Variants in TSPAN7 observed in about 807,000 individuals in gnomAD.
TSPAN7 encodes tetraspanin 7.
A neutral mutation model predicts 17.6 loss-of-function variants in TSPAN7; 1 was observed. The observed-to-expected ratio is 0.06, with a 90% CI of 0.02 to 0.27. The LOEUF (loss-of-function observed/expected upper bound fraction) is 0.27. Ranked by LOEUF, TSPAN7 falls within the 10% of genes least tolerant of loss-of-function variation. The pLI, the probability that TSPAN7 is intolerant of heterozygous loss-of-function variation, is 1.00. For synonymous variants in TSPAN7, 78 were observed against 79.0 expected, an observed-to-expected ratio of 0.99 and a Z score of 0.07; for missense variants, 112 against 201.7, an observed-to-expected ratio of 0.56 and a Z score of 2.69.
chrX:38,614,924 A>G (rs1602099922), intron 1 of TSPAN7, among the ~76,000 whole-genome samples: 2 of 112,010 alleles, frequency 1.8e-5, no homozygotes, highest in South Asian at 7.5e-4. Context: ...TTGCAACTGT[A>G]TGGAGTCACT....
chrX:38,675,058 A>G (rs1439680637), intron 4 of TSPAN7, among the ~76,000 whole-genome samples: 1 of 112,299 alleles, frequency 8.9e-6, no homozygotes, highest in Non-Finnish European at 1.9e-5. Flanking sequence ...TTGCTTTAAT[A>G]TTCTCTACAT....
At chrX:38,567,974 TTTG>T (rs751616841) in intron 1 of TSPAN7, among the ~76,000 whole-genome samples, 7 of 112,017 alleles carry the variant, frequency 6.2e-5, no homozygotes, top group Non-Finnish European at 9.4e-5. Context: ...TGCATAGCTT[TTTG>T]TTTTCTCTAC....
chrX:38,669,990 G>A (rs1410893676), intron 2 of TSPAN7, among the ~76,000 whole-genome samples: 1 of 111,761 alleles, frequency 8.9e-6, no homozygotes, highest in African/African-American at 3.3e-5. Context: ...ATGTACATGG[G>A]GCATTCTCAT....
At chrX:38,581,650 A>G (rs769023505) in intron 1 of TSPAN7, among the ~76,000 whole-genome samples, 4 of 112,145 alleles carry the variant, frequency 3.6e-5, no homozygotes, top group African/African-American at 1.3e-4. Flanking sequence ...TGCTGTGGGT[A>G]AGACATAAGA....
At chrX:38,575,996 T>C (rs892037408) in intron 1 of TSPAN7, among the ~76,000 whole-genome samples, 1 of 112,348 alleles carries the variant, frequency 8.9e-6, no homozygotes, top group Non-Finnish European at 1.9e-5. Context: ...AGGCAAACGT[T>C]TTCTGTAAAG....
intron 3 of TSPAN7, among the ~76,000 whole-genome samples, chrX:38,673,013 G>A (rs1355218369): frequency 6.2e-5 from 7 of 112,265 alleles, no homozygotes; most frequent in Non-Finnish European, 1.1e-4. Flanking sequence ...CTTAAGTGTA[G>A]CGAAATGAGA....
intron 1 of TSPAN7, among the ~76,000 whole-genome samples, chrX:38,575,573 A>T (rs757805000): frequency 8.9e-6 from 1 of 111,828 alleles, no homozygotes; most frequent in East Asian, 2.8e-4. Context: ...AGAAAATAAA[A>T]TTGGAGCCCT....
At chrX:38,614,490 C>G (rs915794314) in intron 1 of TSPAN7, among the ~76,000 whole-genome samples, 1 of 112,624 alleles carries the variant, frequency 8.9e-6, no homozygotes, top group African/African-American at 3.2e-5. Flanking sequence ...CCAGTTCTTC[C>G]CATACACCAG....
chrX:38,653,367 T>C (rs2069686223), intron 1 of TSPAN7, among the ~76,000 whole-genome samples: 1 of 111,594 alleles, frequency 9.0e-6, no homozygotes, highest in Non-Finnish European at 1.9e-5. Context: ...CCATCACTTT[T>C]GGTTAGAGCT....
intron 4 of TSPAN7, among the ~76,000 whole-genome samples, chrX:38,674,928 CAGA>C (rs2069843667): frequency 8.9e-6 from 1 of 111,982 alleles, no homozygotes; most frequent in Admixed American, 9.4e-5. Flanking sequence ...TTGTTTACTT[CAGA>C]AGAAGTCTTT....
chrX:38,578,665 C>T (rs928399811), intron 1 of TSPAN7, among the ~76,000 whole-genome samples: 1 of 110,623 alleles, frequency 9.0e-6, no homozygotes, highest in Non-Finnish European at 1.9e-5. Context: ...GTACACTTCT[C>T]CACATCACTG....
chrX:38,585,230 G>T (rs1319421110), intron 1 of TSPAN7, among the ~76,000 whole-genome samples: 2 of 111,804 alleles, frequency 1.8e-5, no homozygotes, highest in Non-Finnish European at 3.8e-5. Context: ...TGTTAAACTG[G>T]TTTTTTAAAT....
At chrX:38,649,823 T>G (rs1287869319) in intron 1 of TSPAN7, among the ~76,000 whole-genome samples, 1 of 112,117 alleles carries the variant, frequency 8.9e-6, no homozygotes, top group Non-Finnish European at 1.9e-5. Context: ...GGCATGTTAA[T>G]CTGTGGGTTG....
At chrX:38,593,315 A>G (rs2069302599) in intron 1 of TSPAN7, among the ~76,000 whole-genome samples, 1 of 110,934 alleles carries the variant, frequency 9.0e-6, no homozygotes, top group Admixed American at 9.6e-5. Flanking sequence ...CTGACCATTA[A>G]TTCTATAAAT....
At chrX:38,588,892 C>A (rs758545673) in intron 1 of TSPAN7, among the ~76,000 whole-genome samples, 2 of 111,274 alleles carry the variant, frequency 1.8e-5, no homozygotes, top group Non-Finnish European at 3.8e-5. Context: ...AAAATGATCC[C>A]AGTTTATCAT....
At chrX:38,591,152 A>G (rs147207759) in intron 1 of TSPAN7, among the ~76,000 whole-genome samples, 17 of 110,979 alleles carry the variant, frequency 1.5e-4, no homozygotes, top group African/African-American at 5.2e-4. Flanking sequence ...TTCTTTTCCC[A>G]TATAGCCATT....
At chrX:38,641,199 C>A (rs1432155757) in intron 1 of TSPAN7, among the ~76,000 whole-genome samples, 1 of 112,105 alleles carries the variant, frequency 8.9e-6, no homozygotes, top group African/African-American at 3.2e-5. Flanking sequence ...AGAGTGCAGC[C>A]CCCTCTCCAA....
At chrX:38,629,307 T>G (rs1401351605) in intron 1 of TSPAN7, among the ~76,000 whole-genome samples, 1 of 112,009 alleles carries the variant, frequency 8.9e-6, no homozygotes, top group Non-Finnish European at 1.9e-5. Context: ...CCACGGTTTG[T>G]GTACTTTGTT....
At chrX:38,606,127 C>G (rs1329735719) in intron 1 of TSPAN7, among the ~76,000 whole-genome samples, 1 of 107,715 alleles carries the variant, frequency 9.3e-6, no homozygotes, top group Non-Finnish European at 1.9e-5. Flanking sequence ...AACAGGCAAC[C>G]TACAAAATGG....
Sources: gnomAD v4.1 joint callset for allele counts (sites outside exome capture counted in the v4.1 genomes callset) on GRCh38, gnomAD v4.1.1 for gene constraint, MANE v1.5 for transcripts, NCBI Gene and HGNC (gene_info 2026-07-23, HGNC 2026-07-21) for gene names.